The following RAB31 variants were observed in gnomAD, a reference collection of about 807,000 sequenced individuals.
The protein encoded by RAB31 is ras-related protein Rab-31.
Under a neutral mutation model 25.6 loss-of-function variants are expected in RAB31, and 21 were observed. The ratio of observed to expected loss-of-function variants is 0.82; its 90% confidence interval spans 0.58 to 1.18. The LOEUF (loss-of-function observed/expected upper bound fraction) is 1.18. Among genes scored for constraint, RAB31 ranks in the 50% most tolerant of loss-of-function variants. RAB31 has a pLI of 0.00. For synonymous variants in RAB31, 87 were observed against 84.0 expected, an observed-to-expected ratio of 1.04 and a Z score of -0.20; for missense variants, 196 against 250.1, an observed-to-expected ratio of 0.78 and a Z score of 1.46.
intron 1 of RAB31, among the ~76,000 whole-genome samples, chr18:9,728,322 TA>T (rs972232932): frequency 7.9e-5 from 12 of 152,342 alleles, no homozygotes; most frequent in Middle Eastern, 3.4e-3. Context: ...AATTCTGCAA[TA>T]AAAATCTTTG....
At chr18:9,762,207 G>T (rs11663031) in intron 1 of RAB31, among the ~76,000 whole-genome samples, 1 of 152,282 alleles carries the variant, frequency 6.6e-6, no homozygotes, top group Non-Finnish European at 1.5e-5. Flanking sequence ...CCATATGGGA[G>T]TGAATACTGG....
intron 1 of RAB31, among the ~76,000 whole-genome samples, chr18:9,746,103 TTG>T (rs941451455): frequency 2.0e-5 from 3 of 152,206 alleles, no homozygotes; most frequent in African/African-American, 7.2e-5. Context: ...CAAAAATAAG[TTG>T]TGTGTTTTTA....
intron 2 of RAB31, among the ~76,000 whole-genome samples, chr18:9,785,417 T>G (rs753958447): frequency 6.6e-6 from 1 of 152,162 alleles, no homozygotes; most frequent in Admixed American, 6.5e-5. Flanking sequence ...AAAGATCTTA[T>G]CATGGTGGAC....
chr18:9,802,731 A>T (rs933830547), intron 3 of RAB31, among the ~76,000 whole-genome samples: 1 of 152,236 alleles, frequency 6.6e-6, no homozygotes, highest in African/African-American at 2.4e-5. Flanking sequence ...ATGTGCCCAG[A>T]GGGCTGGGAT....
At chr18:9,811,536 C>T (rs1406644701) in intron 3 of RAB31, among the ~76,000 whole-genome samples, 1 of 152,210 alleles carries the variant, frequency 6.6e-6, no homozygotes, top group African/African-American at 2.4e-5. Context: ...TCCCTGCTCT[C>T]TCCCCACTGC....
At chr18:9,784,295 CT>C in intron 2 of RAB31, among the ~76,000 whole-genome samples, 1 of 152,138 alleles carries the variant, frequency 6.6e-6, no homozygotes, top group Non-Finnish European at 1.5e-5. Flanking sequence ...CCACCTTGGC[CT>C]CCCAAAGTGC....
intron 1 of RAB31, chr18:9,774,775 G>A: frequency 2.0e-6 from 1 of 489,580 alleles, no homozygotes; most frequent in Middle Eastern, 5.5e-4. Context: ...GCAAAATTTG[G>A]AAGTTATTAC....
At position 9,708,523 on chromosome 18, in the gene RAB31, C is replaced by G; in HGVS notation, c.39+79C>G. 1.5e-6 allele frequency: 2 copies of G among 1,297,554 alleles called. No individual in the cohort carries two copies. The highest frequency in any genetic ancestry group is 2.1e-6 in the Non-Finnish European group (2 of 960,246). The allele number at this position is 1,297,554 out of a possible 1,614,324, so 80.4% of individuals were successfully genotyped here. ...TTCGCTCCCCTATTCCCTGCGCGCT[C>G]AGTCCCCGTGATCCCCTCGCTCTCC... On this transcript the variant is annotated intron_variant, in intron 1 of 6. Transcript: ENST00000578921. The surrounding 1 kb of genome is among the most constrained non-coding windows in gnomAD (Gnocchi z 6.4).
chr18:9,844,170 G>A lies in RAB31; in HGVS notation c.381-1412G>A, dbSNP rs189300957. Among the ~76,000 whole-genome samples the A allele has an allele frequency of 4.7e-4, 72 of 152,208 alleles. 1 individual carries two copies. The highest frequency in any genetic ancestry group is 1.7e-3 in the African/African-American group (70 of 41,512). ...ATGCACCATTTTTTCCTAGACTGTGGAGCTGACCCTGTCACTTCCTGTCCT... is the reference window on the plus strand; with the variant it reads ...ATGCACCATTTTTTCCTAGACTGTGAAGCTGACCCTGTCACTTCCTGTCCT... On this transcript the variant is annotated intron_variant, in intron 5 of 6. Transcript: ENST00000578921.
chr18:9,714,920 C>A (rs976364775), intron 1 of RAB31, among the ~76,000 whole-genome samples: 1 of 152,144 alleles, frequency 6.6e-6, no homozygotes, highest in Non-Finnish European at 1.5e-5. Context: ...GACTGTCATC[C>A]CGCTTAGTAG....
At chr18:9,782,710 T>G (rs2068411443) in intron 2 of RAB31, among the ~76,000 whole-genome samples, 1 of 152,144 alleles carries the variant, frequency 6.6e-6, no homozygotes, top group African/African-American at 2.4e-5. Flanking sequence ...TTTGTTTATT[T>G]GTTTGAGACA....
chr18:9,800,026 G>A (rs962105516), intron 3 of RAB31, among the ~76,000 whole-genome samples: 2 of 152,176 alleles, frequency 1.3e-5, no homozygotes, highest in Admixed American at 6.5e-5. Context: ...AGAGTAGCAG[G>A]TCAGCAGGCA....
At chr18:9,739,401 G>T (rs933019539) in intron 1 of RAB31, among the ~76,000 whole-genome samples, 3 of 152,216 alleles carry the variant, frequency 2.0e-5, no homozygotes, top group Admixed American at 2.0e-4. Flanking sequence ...GAACCTGGGA[G>T]GCAGAGCTTG....
At chr18:9,732,376 G>A (rs6506684) in intron 1 of RAB31, among the ~76,000 whole-genome samples, 99,286 of 152,174 alleles carry the variant, frequency 0.65, 32,704 homozygotes, top group African/African-American at 0.74. Flanking sequence ...CTGCAGCAGG[G>A]CAGGGCTGTA....
intron 1 of RAB31, among the ~76,000 whole-genome samples, chr18:9,746,488 A>G (rs777322540): frequency 2.0e-5 from 3 of 152,244 alleles, no homozygotes; most frequent in Admixed American, 6.5e-5. Context: ...ACAAAGTTGA[A>G]GGACTCAACA....
intron 1 of RAB31, among the ~76,000 whole-genome samples, chr18:9,750,118 C>T (rs758671308): frequency 2.0e-5 from 3 of 152,066 alleles, no homozygotes; most frequent in Non-Finnish European, 2.9e-5. Context: ...TCTGTGGAGG[C>T]GTGGGCAGCG....
intron 1 of RAB31, among the ~76,000 whole-genome samples, chr18:9,731,327 C>G (rs2145465200): frequency 6.6e-6 from 1 of 152,286 alleles, no homozygotes; most frequent in East Asian, 1.9e-4. Context: ...TTCCATTTTG[C>G]TGTTTTTTTG....
At chr18:9,796,228 G>A (rs2068486490) in intron 3 of RAB31, among the ~76,000 whole-genome samples, 1 of 152,112 alleles carries the variant, frequency 6.6e-6, no homozygotes, top group African/African-American at 2.4e-5. Flanking sequence ...TGACTTGCAG[G>A]AAAGGGTGGG....
At chr18:9,845,777 G>A in intron 6 of RAB31, 86 bp downstream of exon 6, 1 of 1,430,300 alleles carries the variant, frequency 7.0e-7, no homozygotes, top group Non-Finnish European at 9.2e-7. Flanking sequence ...ACTCTGAAGT[G>A]AACTTTTCCT....
Sources: allele counts gnomAD v4.1 joint callset (sites outside exome capture counted in the v4.1 genomes callset), GRCh38; gene constraint gnomAD v4.1.1; non-coding constraint Gnocchi (gnomAD v3.1); transcripts MANE v1.5; gene names NCBI Gene and HGNC (gene_info 2026-07-23, HGNC 2026-07-21).